DLC1: variants seen among roughly 807,000 people sequenced by gnomAD.
DLC1 encodes the protein DLC1 Rho GTPase activating protein.
In DLC1, 54 loss-of-function variants were observed where a neutral mutation model predicts 140.3. That is an observed-to-expected ratio of 0.38 (90% confidence interval 0.31 to 0.48). DLC1 has a LOEUF of 0.48. DLC1 is among the 20% of genes least tolerant of loss of function. The pLI is 0.96. For synonymous variants in DLC1, 986 were observed against 728.1 expected (o/e 1.35, Z -5.70); for missense variants, 2,536 against 1,907.0 (o/e 1.33, Z -6.14).
chr8:13,276,651 G>C, intron 5 of DLC1: 2 of 1,152,296 alleles, frequency 1.7e-6, no homozygotes, highest in Non-Finnish European at 2.1e-6. Flanking sequence ...CTGCAGCACA[G>C]CTATCCGGAG....
At chr8:13,250,982 A>T (rs1436346733) in intron 5 of DLC1, among the ~76,000 whole-genome samples, 3 of 152,212 alleles carry the variant, frequency 2.0e-5, no homozygotes, top group Admixed American at 6.5e-5. Flanking sequence ...CCATAACAGA[A>T]TGCCACAGAT....
At chr8:13,308,775 G>C (rs1473273218) in intron 4 of DLC1, among the ~76,000 whole-genome samples, 1 of 152,148 alleles carries the variant, frequency 6.6e-6, no homozygotes, top group Non-Finnish European at 1.5e-5. Context: ...TAGATCATTA[G>C]AACTATCCAA....
chr8:13,283,138 T>G (rs1390492802), intron 5 of DLC1, among the ~76,000 whole-genome samples: 1 of 152,222 alleles, frequency 6.6e-6, no homozygotes, highest in Non-Finnish European at 1.5e-5. Context: ...TTTCTCTATG[T>G]TAACATAACT....
chr8:13,497,545 C>T (rs1801570297), intron 2 of DLC1, among the ~76,000 whole-genome samples: 1 of 152,156 alleles, frequency 6.6e-6, no homozygotes, highest in Admixed American at 6.5e-5. Context: ...GCTATAGTGA[C>T]ATGTCCAAGA....
chr8:13,088,054 T>G (rs1007285576), intron 16 of DLC1, among the ~76,000 whole-genome samples: 1 of 152,138 alleles, frequency 6.6e-6, no homozygotes, highest in Admixed American at 6.6e-5. Flanking sequence ...TATTTGAAGG[T>G]GTTCACTACT....
At chr8:13,301,785 G>A (rs1054701123) in intron 5 of DLC1, among the ~76,000 whole-genome samples, 11 of 152,120 alleles carry the variant, frequency 7.2e-5, no homozygotes, top group Admixed American at 7.2e-4. Context: ...TGAGATCAGC[G>A]GCAGCATTAG....
chr8:13,482,880 T>A (rs1800799186), intron 2 of DLC1, among the ~76,000 whole-genome samples: 1 of 152,198 alleles, frequency 6.6e-6, no homozygotes, highest in East Asian at 1.9e-4. Flanking sequence ...GTAATGAGTG[T>A]GACGGTCCCT....
intron 5 of DLC1, among the ~76,000 whole-genome samples, chr8:13,143,690 G>T (rs150663608): frequency 1.3e-5 from 2 of 151,808 alleles, no homozygotes; most frequent in African/African-American, 4.8e-5. Flanking sequence ...GGGATTCCAG[G>T]CCTGAGCCAC....
intron 5 of DLC1, among the ~76,000 whole-genome samples, chr8:13,148,517 G>A (rs79696326): frequency 0.011 from 1,660 of 152,180 alleles, 36 homozygotes; most frequent in African/African-American, 0.036. Context: ...TTTTGATTTC[G>A]TGGCCACTAA....
At chr8:13,264,889 A>C (rs1830619967) in intron 5 of DLC1, among the ~76,000 whole-genome samples, 1 of 152,222 alleles carries the variant, frequency 6.6e-6, no homozygotes, top group South Asian at 2.1e-4. Context: ...CTGGGATTAC[A>C]TGTCCCGGGA....
chr8:13,092,968 C>G lies in DLC1; in HGVS notation c.3527-143G>C, dbSNP rs887553330. 4.4e-6 allele frequency: 4 copies of G among 910,420 alleles called. No individual in the cohort carries two copies. In the Admixed American group the frequency reaches 1.0e-4, roughly 24 times the overall value. 56.4% of individuals were successfully genotyped at this position (910,420 alleles called of 1,614,324 possible). A position where few individuals can be genotyped will look rare whatever the true frequency, so the allele number is the denominator to read the frequency against. ...GTAGAAAGTGCACTAGAGGTTAATA[C>G]GGTAAAAGTTATGAATTGCCACCGG... On this transcript the variant is annotated intron_variant, in intron 12 of 17. Coordinates refer to ENST00000276297, the MANE Select transcript of DLC1 (RefSeq NM_182643.3).
At chr8:13,212,254 C>G (rs550603436) in intron 5 of DLC1, among the ~76,000 whole-genome samples, 1 of 152,188 alleles carries the variant, frequency 6.6e-6, no homozygotes, top group African/African-American at 2.4e-5. Flanking sequence ...TTCTCAGCTT[C>G]CAGAATTCCC....
intron 10 of DLC1, chr8:13,096,017 C>A (rs1016750964): frequency 6.6e-6 from 1 of 152,238 alleles, no homozygotes; most frequent in Non-Finnish European, 1.5e-5. Flanking sequence ...CCAGGTCCAC[C>A]CCAGCACTAT....
In DLC1 at chr8:13,335,905, A is replaced by ATT. The variant is rs5889437; in HGVS notation, c.1315-30605_1315-30604dup. Reference sequence around the variant, plus strand: ...CATGACTTGTTAATTTCAAAATATGATTTTTTTGCAAGGAATAAGTTTTCT... The same window carrying ATT: ...CATGACTTGTTAATTTCAAAATATGATTTTTTTTTGCAAGGAATAAGTTTTCT... On this transcript the variant is annotated intron_variant, in intron 4 of 17. Transcript: ENST00000276297. Among the ~76,000 whole-genome samples, 285 of 151,876 alleles carry ATT rather than the reference A, an allele frequency of 1.9e-3. 2 individuals are homozygous for ATT. The highest frequency in any genetic ancestry group is 5.6e-3 in the East Asian group (29 of 5,148).
intron 5 of DLC1, among the ~76,000 whole-genome samples, chr8:13,141,635 A>G (rs1822999711): frequency 6.6e-6 from 1 of 152,182 alleles, no homozygotes; most frequent in Admixed American, 6.5e-5. Flanking sequence ...CTGGAAAATA[A>G]AGCACAGTTC....
chr8:13,475,649 T>C (rs1800402825), intron 2 of DLC1, among the ~76,000 whole-genome samples: 1 of 152,232 alleles, frequency 6.6e-6, no homozygotes, highest in South Asian at 2.1e-4. Context: ...AGGAGATTCC[T>C]CAGTGTATTC....
intron 6 of DLC1, among the ~76,000 whole-genome samples, chr8:13,112,565 C>G (rs1820205635): frequency 6.6e-6 from 1 of 152,084 alleles, no homozygotes; most frequent in Admixed American, 6.5e-5. Context: ...TAGACCAAGT[C>G]TCTCTTAGAC....
chr8:13,558,077 C>T (rs1210252240), intron 1 of DLC1: 1 of 152,176 alleles, frequency 6.6e-6, no homozygotes, highest in African/African-American at 2.4e-5. Context: ...GCCTTAGACT[C>T]ATAGCAGGTT....
At chr8:13,130,498 C>A (rs538311519) in intron 5 of DLC1, among the ~76,000 whole-genome samples, 2 of 152,254 alleles carry the variant, frequency 1.3e-5, no homozygotes, top group Non-Finnish European at 1.5e-5. Context: ...CAGTACAGAA[C>A]AACAAAAAAA....
Sources: gnomAD v4.1 joint callset for allele counts (sites outside exome capture counted in the v4.1 genomes callset) on GRCh38, gnomAD v4.1.1 for gene constraint, MANE v1.5 for transcripts, NCBI Gene and HGNC (gene_info 2026-07-23, HGNC 2026-07-21) for gene names.